The following ENPP2 variants were observed in gnomAD, a reference collection of about 807,000 sequenced individuals.
ENPP2 encodes autotaxin.
In ENPP2, 51 loss-of-function variants were observed where a neutral mutation model predicts 120.2. The observed-to-expected ratio is 0.42, with a 90% CI of 0.34 to 0.54. The LOEUF (loss-of-function observed/expected upper bound fraction) is 0.54, where lower values mean the gene tolerates loss of function less well. Ranked by LOEUF, ENPP2 falls within the 20% of genes least tolerant of loss-of-function variation. ENPP2 has a pLI of 0.04. For missense variants in ENPP2, 920 were observed against 1,066.5 expected, an observed-to-expected ratio of 0.86 and a Z score of 1.91; for synonymous variants, 365 against 366.4, an observed-to-expected ratio of 1.00 and a Z score of 0.04.
At chr8:119,638,553 T>G in intron 1 of ENPP2, 26 bp from the exon 2 acceptor site, 1 of 1,361,802 alleles carries the variant, frequency 7.3e-7, no homozygotes, top group Non-Finnish European at 1.1e-6. Context: ...GACCAAGTTG[T>G]CAAATACAGC....
chr8:119,623,320 C>G (rs1816040054), intron 3 of ENPP2, among the ~76,000 whole-genome samples: 1 of 151,948 alleles, frequency 6.6e-6, no homozygotes, highest in African/African-American at 2.4e-5. Flanking sequence ...AAAAAATTAG[C>G]CGGGCATGGT....
chr8:119,577,592 A>G (rs1812429134), intron 19 of ENPP2, among the ~76,000 whole-genome samples: 1 of 152,254 alleles, frequency 6.6e-6, no homozygotes, highest in Admixed American at 6.5e-5. Context: ...AAGGAAATGC[A>G]TTGCACATAA....
chr8:119,583,795 C>T lies in ENPP2; in HGVS notation c.1465G>A (p.Val489Ile), dbSNP rs1326357134. The T allele has an allele frequency of 1.3e-6, 2 of 1,585,302 alleles. No homozygotes were observed. The highest frequency in any genetic ancestry group is 1.7e-6 in the Non-Finnish European group (2 of 1,158,140). Residue 489 changes from valine to isoleucine, a missense_variant, in exon 17 of 25, where the codon GTA (valine) becomes ATA (isoleucine). By Grantham distance (29) the Val-to-Ile change is conservative. Transcript: ENST00000075322. ...NKVNSMQTVF[V>I]GYGSTFKYKT... ...TACTTAAATGTTGAGCCATAACCTACAAAAACAGTCTTCCAAAAGAAAAGA... is the reference window on the plus strand; with the variant it reads ...TACTTAAATGTTGAGCCATAACCTATAAAAACAGTCTTCCAAAAGAAAAGA...
intron 2 of ENPP2, 65 bp downstream of exon 2, chr8:119,638,360 T>C: frequency 3.7e-6 from 3 of 811,884 alleles, no homozygotes; most frequent in Non-Finnish European, 6.4e-6. Context: ...TTAATAAGCT[T>C]ACATTGATTA....
intron 1 of ENPP2, among the ~76,000 whole-genome samples, chr8:119,659,534 G>T (rs1817864427): frequency 6.6e-6 from 1 of 152,088 alleles, no homozygotes; most frequent in Non-Finnish European, 1.5e-5. Context: ...TCCCTGCCAG[G>T]ACTTTGACTA....
chr8:119,558,911 C>T (rs952085354), intron 24 of ENPP2, among the ~76,000 whole-genome samples: 1 of 152,168 alleles, frequency 6.6e-6, no homozygotes, highest in Non-Finnish European at 1.5e-5. Context: ...AATGGGCTTT[C>T]TCGGAAAGCT....
At chr8:119,565,017 A>G (rs947311392) in intron 22 of ENPP2, 62 bp from the exon 23 acceptor site, 6 of 1,502,444 alleles carry the variant, frequency 4.0e-6, no homozygotes, top group Non-Finnish European at 4.6e-6. Flanking sequence ...ACTCTAGCCA[A>G]ATTCTCTCTA....
intron 14 of ENPP2, 138 bp from the exon 15 acceptor site, chr8:119,586,451 T>A: frequency 1.4e-6 from 1 of 693,612 alleles, no homozygotes; most frequent in Non-Finnish European, 2.4e-6. Context: ...TTATTTCTAT[T>A]AAATAATGTA....
At chr8:119,585,029 A>T (rs147113838) in intron 15 of ENPP2, among the ~76,000 whole-genome samples, 179 of 152,260 alleles carry the variant, frequency 1.2e-3, no homozygotes, top group African/African-American at 4.2e-3. Flanking sequence ...AATTTGCCCA[A>T]CTGTCATCAT....
rs1814753087 is a variant in ENPP2 at position 119,569,290 on chromosome 8, G to A, written c.1998C>T (p.Asn666=). 1.2e-6 allele frequency: 2 copies of A among 1,613,902 alleles called. No individual in the cohort carries two copies. Among genetic ancestry groups the A allele is most frequent in the Non-Finnish European group, 1.7e-6 (2 of 1,179,958 alleles). ...DVRVSPSFSQ[N]CLAYKNDKQM... ...GCTTATCATTTTTGTAGGCCAAACAGTTCTGACTGAAACTCGGAGAAACAC... is the reference window on the plus strand; with the variant it reads ...GCTTATCATTTTTGTAGGCCAAACAATTCTGACTGAAACTCGGAGAAACAC... Residue 666 remains asparagine (N), a synonymous_variant, in exon 21 of 25, where the codon AAC becomes AAT. Coordinates refer to ENST00000075322, the MANE Select transcript of ENPP2 (RefSeq NM_001040092.3).
Position 119,583,734 on chromosome 8 carries a change from A to G in ENPP2, c.1526T>C (p.Leu509Pro), listed in dbSNP as rs774954814. Residue 509 changes from leucine (L) to proline (P), a missense_variant, in exon 17 of 25, where the codon CTT (leucine) becomes CCT (proline). By Grantham distance (98) the Leu-to-Pro change is moderately conservative. Transcript: ENST00000075322. Reference protein sequence around the residue: ...TKVPPFENIELYNVMCDLLGL... With the variant: ...TKVPPFENIEPYNVMCDLLGL... Reference sequence around the variant, plus strand: ...TGACTTACCACACATAACATTGTAAAGTTCAATGTTTTCAAATGGAGGCAC... The same window carrying G: ...TGACTTACCACACATAACATTGTAAGGTTCAATGTTTTCAAATGGAGGCAC... 4.5e-6 allele frequency: 7 copies of G among 1,570,124 alleles called. No individual in the cohort carries two copies. Among genetic ancestry groups the G allele is most frequent in the Non-Finnish European group, 6.1e-6 (7 of 1,141,034 alleles).
At chr8:119,595,800 A>C (rs1587427354) in intron 11 of ENPP2, 1 of 1,604,268 alleles carries the variant, frequency 6.2e-7, no homozygotes, top group East Asian at 2.2e-5. Flanking sequence ...GCAACCTTCA[A>C]CTCAGACCTG....
intron 1 of ENPP2, among the ~76,000 whole-genome samples, chr8:119,659,781 T>C (rs1468006979): frequency 6.6e-6 from 1 of 152,202 alleles, no homozygotes; most frequent in Non-Finnish European, 1.5e-5. Flanking sequence ...AAGGATCAAA[T>C]TATAGATGGA....
At chr8:119,669,441 C>T (rs1478250633) in intron 1 of ENPP2, among the ~76,000 whole-genome samples, 1 of 152,194 alleles carries the variant, frequency 6.6e-6, no homozygotes, top group Non-Finnish European at 1.5e-5. Flanking sequence ...TAGAAAATTA[C>T]ACAAGTAGCA....
At chr8:119,581,549 G>C (rs1017857295) in intron 18 of ENPP2, among the ~76,000 whole-genome samples, 2 of 152,018 alleles carry the variant, frequency 1.3e-5, no homozygotes, top group African/African-American at 2.4e-5. Flanking sequence ...TGCACTCATC[G>C]GCCAAATACA....
At chr8:119,648,362 AGTTAAAAAT>A (rs1817534251) in intron 1 of ENPP2, among the ~76,000 whole-genome samples, 1 of 152,218 alleles carries the variant, frequency 6.6e-6, no homozygotes. Flanking sequence ...ATGTAAGTAA[AGTTAAAAAT>A]GTTTCAATCC....
At position 119,563,028 on chromosome 8, in the gene ENPP2, T is replaced by TAAA. The variant is rs1486844436; in HGVS notation, c.2265-18_2265-16dup. 3 of 1,610,346 alleles carry TAAA rather than the reference T, an allele frequency of 1.9e-6. No individual in the cohort carries two copies. Among genetic ancestry groups the TAAA allele is most frequent in the Non-Finnish European group, 1.7e-6 (2 of 1,177,516 alleles). On this transcript the variant is annotated splice_polypyrimidine_tract_variant and intron_variant, in intron 23 of 24. Coordinates refer to ENST00000075322, the MANE Select transcript of ENPP2 (RefSeq NM_001040092.3). Reference sequence around the variant, plus strand: ...CTTCCACGTACCTGAAACAGGAAGGTAAAACGAAGTCACAGTTGATGAGTT... The same window carrying TAAA: ...CTTCCACGTACCTGAAACAGGAAGGTAAAAAAACGAAGTCACAGTTGATGAGTT...
intron 1 of ENPP2, among the ~76,000 whole-genome samples, chr8:119,665,077 A>G (rs981558801): frequency 2.0e-5 from 3 of 152,102 alleles, no homozygotes; most frequent in Non-Finnish European, 4.4e-5. Flanking sequence ...TCTCCTTTTT[A>G]TACAGACATC....
intron 12 of ENPP2, 58 bp from the exon 13 acceptor site, chr8:119,590,688 T>C (rs143406449): frequency 3.6e-5 from 45 of 1,242,502 alleles, no homozygotes; most frequent in African/African-American, 2.5e-4. Context: ...AATCTTAACA[T>C]AGACACGAAA....
Sources: allele counts gnomAD v4.1 joint callset (sites outside exome capture counted in the v4.1 genomes callset), GRCh38; gene constraint gnomAD v4.1.1; transcripts MANE v1.5; gene names NCBI Gene and HGNC (gene_info 2026-07-23, HGNC 2026-07-21).